Variants in ZNF687 observed in about 807,000 individuals in gnomAD.
ZNF687 encodes the protein zinc finger protein 687.
ZNF687 carries 13 observed loss-of-function variants against 71.8 expected under a neutral mutation model. The observed-to-expected ratio is 0.18, with a 90% CI of 0.12 to 0.29. The LOEUF (loss-of-function observed/expected upper bound fraction) is 0.29, where lower values mean the gene tolerates loss of function less well. Among genes scored for constraint, ZNF687 ranks in the 10% least tolerant of loss-of-function variants. The pLI, the probability that ZNF687 is intolerant of heterozygous loss-of-function variation, is 1.00. For synonymous variants in ZNF687, 673 were observed against 641.6 expected, an observed-to-expected ratio of 1.05 and a Z score of -0.74; for missense variants, 1,412 against 1,625.6, an observed-to-expected ratio of 0.87 and a Z score of 2.26.
intron 1 of ZNF687, chr1:151,286,043 C>T (rs1693931819): frequency 2.8e-6 from 1 of 360,992 alleles, no homozygotes; most frequent in Non-Finnish European, 5.0e-6. Context: ...TCTCTTTTCC[C>T]CTGCTTTCTC....
rs61740560 is a variant in ZNF687 at position 151,290,501 on chromosome 1, C to T, written c.3147C>T (p.His1049=). Residue 1049 remains histidine, a synonymous_variant, in exon 8 of 9, where the codon CAC becomes CAT. Coordinates refer to ENST00000336715, the MANE Select transcript of ZNF687 (RefSeq NM_020832.3). The stretch of plus-strand genomic sequence containing the variant: ...TAGAGAAACATGTCCAGGTCCGGCA[C>T]GGCTTGCAGCTTGGGGCCCAGTCCC... ...LILEKHVQVR[H]GLQLGAQSPG... 6.7e-4 allele frequency: 1,087 copies of T among 1,613,956 alleles called. 10 individuals carry two copies. In the African/African-American group the frequency reaches 9.1e-3, roughly 13 times the overall value.
At chr1:151,284,728 C>T (rs1370196038) in intron 1 of ZNF687, among the ~76,000 whole-genome samples, 1 of 149,970 alleles carries the variant, frequency 6.7e-6, no homozygotes, top group African/African-American at 2.4e-5. Flanking sequence ...GGGATTCTTA[C>T]ATTAGCAATT....
rs774081882 is a variant in ZNF687, at chr1:151,287,516, G to A, written c.1225G>A (p.Ala409Thr). 1.2e-6 allele frequency: 2 copies of A among 1,613,990 alleles called. No homozygotes were observed. The highest frequency in any genetic ancestry group is 1.7e-6 in the Non-Finnish European group (2 of 1,180,014). The change falls in exon 2 of 9, where the codon GCC (alanine) becomes ACC (threonine). Residue 409 changes from alanine (A) to threonine (T), a missense_variant. By Grantham distance (58) the Ala-to-Thr change is moderately conservative. Transcript: ENST00000336715. The surrounding 1 kb of genome is among the most constrained non-coding windows in gnomAD (Gnocchi z 5.0). ...GCTGCCTGTGGCCACCATCCAGAAC[G>A]CCAGTACTGCCATGCTGATGGCAGC... Reference protein sequence around the residue: ...TVLPVATIQNASTAMLMAASV... With the variant: ...TVLPVATIQNTSTAMLMAASV...
Position 151,290,114 on chromosome 1 carries a change from T to C in ZNF687, c.2965-8T>C, listed in dbSNP as rs763345910. On this transcript the variant is annotated splice_polypyrimidine_tract_variant and splice_region_variant and intron_variant, in intron 6 of 8. Transcript: ENST00000336715. ...GCCTGGCTCTGACATCTACCCCTGC[T>C]CTCCTAGTCAGTGAAAAAGTTCCCC... The C allele has an allele frequency of 1.2e-6, 2 of 1,613,896 alleles. No individual in the cohort carries two copies. Among genetic ancestry groups the C allele is most frequent in the Non-Finnish European group, 8.5e-7 (1 of 1,179,942 alleles).
intron 1 of ZNF687, among the ~76,000 whole-genome samples, chr1:151,282,830 C>T (rs1459181767): frequency 6.6e-6 from 1 of 152,086 alleles, no homozygotes; most frequent in African/African-American, 2.4e-5. Flanking sequence ...GCGCCCCCGG[C>T]CCCCTGCGCA....
In ZNF687 at chr1:151,290,802, G is replaced by C. The variant is rs773092269; in HGVS notation, c.3307G>C (p.Gly1103Arg). The change falls in exon 9 of 9, where the codon GGA becomes CGA. Residue 1103 changes from glycine to arginine, a missense_variant. Coordinates refer to ENST00000336715, the MANE Select transcript of ZNF687 (RefSeq NM_020832.3). ...TTPPAKSPRG[G>R]PGSGGHGPLR... Reference sequence around the variant, plus strand: ...ACCGCCAGCCAAGTCCCCCAGGGGCGGACCTGGATCTGGAGGCCATGGCCC... The same window carrying C: ...ACCGCCAGCCAAGTCCCCCAGGGGCCGACCTGGATCTGGAGGCCATGGCCC... 6.2e-7 allele frequency: 1 copy of C among 1,613,862 alleles called. No individual in the cohort carries two copies. The highest frequency in any genetic ancestry group is 8.5e-7 in the Non-Finnish European group (1 of 1,180,006).
rs3748545 is a variant in ZNF687 at position 151,287,067 on chromosome 1, G to A, written c.776G>A (p.Gly259Glu). Residue 259 changes from glycine (G) to glutamate (E), a missense_variant, in exon 2 of 9, where the codon GGG becomes GAG. Physicochemically the swap from Gly to Glu is moderately conservative, Grantham distance 98 (BLOSUM62 -2). This residue lies in a region of ZNF687 where 490 missense variants were observed against 489.9 expected (regional missense o/e 1.00). Transcript: ENST00000336715. The surrounding 1 kb of genome is among the most constrained non-coding windows in gnomAD (Gnocchi z 5.0). ...AGTGCCTCGCCTCCCCCAGTTGCTG[G>A]GGTGCCCTTCTTCAAGCAGTCTCCA... ...PASASPPPVAGVPFFKQSPGH... is the reference protein window; with the variant it reads ...PASASPPPVAEVPFFKQSPGH... The A allele has an allele frequency of 0.11, 184,369 of 1,612,320 alleles. 11,054 individuals carry two copies. Among genetic ancestry groups the A allele is most frequent in the Middle Eastern group, 0.17 (1,015 of 6,058 alleles).
rs901905116 is a variant in ZNF687 at position 151,289,824 on chromosome 1, A to C, written c.2781A>C (p.Glu927Asp). The C allele has an allele frequency of 5.7e-6, 9 of 1,569,118 alleles. No homozygotes were observed. Among genetic ancestry groups the C allele is most frequent in the Non-Finnish European group, 7.8e-6 (9 of 1,156,572 alleles). Reference protein sequence around the residue: ...PATEESSSSSEEEEVPSSPEP... With the variant: ...PATEESSSSSDEEEVPSSPEP... ...CTGAGGAGTCGTCTTCATCTTCAGA[A>C]GAGGAGGAAGTACCCAGCTCCCCTG... The change falls in exon 6 of 9, where the codon GAA (glutamate) becomes GAC (aspartate). Residue 927 changes from glutamate (E) to aspartate (D), a missense_variant. Physicochemically the swap from Glu to Asp is conservative, Grantham distance 45 (BLOSUM62 2). This residue lies in a region of ZNF687 where 135 missense variants were observed against 104.1 expected (regional missense o/e 1.30). Transcript: ENST00000336715.
chr1:151,282,206 G>C (rs1693738763), upstream of ZNF687: 4 of 1,056,634 alleles, frequency 3.8e-6, no homozygotes, highest in Admixed American at 9.2e-5. Flanking sequence ...TGAGCGACGG[G>C]GGCAAGGGCC....
In ZNF687 at chr1:151,286,470, G is replaced by C. The variant is rs771084144; in HGVS notation, c.179G>C (p.Gly60Ala). 5.6e-6 allele frequency: 9 copies of C among 1,613,840 alleles called. No homozygotes were observed. The South Asian group carries it at 9.9e-5, about 18-fold the overall frequency. ...ESEDTAAASA[G>A]DGPGVPAQAS... Reference sequence around the variant, plus strand: ...GAAGACACAGCAGCAGCCTCTGCTGGGGATGGCCCTGGAGTTCCAGCCCAG... The same window carrying C: ...GAAGACACAGCAGCAGCCTCTGCTGCGGATGGCCCTGGAGTTCCAGCCCAG... Residue 60 changes from glycine (G) to alanine (A), a missense_variant, in exon 2 of 9, where the codon GGG becomes GCG. Gly to Ala is a moderately conservative substitution (Grantham distance 60). This residue lies in a region of ZNF687 where 490 missense variants were observed against 489.9 expected (regional missense o/e 1.00). Coordinates refer to ENST00000336715, the MANE Select transcript of ZNF687 (RefSeq NM_020832.3).
rs972385971 is a variant in ZNF687, at chr1:151,286,648, G to A, written c.357G>A (p.Gly119=). ...AAGVTKEGPV[G]PHRMQNGFGS... ...GGGTAACTAAAGAAGGGCCTGTGGG[G>A]CCTCATCGAATGCAGAATGGTTTTG... The change falls in exon 2 of 9, where the codon GGG becomes GGA. Residue 119 remains glycine (G), a synonymous_variant. Coordinates refer to ENST00000336715, the MANE Select transcript of ZNF687 (RefSeq NM_020832.3). 4.3e-6 allele frequency: 7 copies of A among 1,614,220 alleles called. No homozygotes were observed. The highest frequency in any genetic ancestry group is 4.2e-6 in the Non-Finnish European group (5 of 1,180,030).
chr1:151,283,371 C>T (rs587745109), intron 1 of ZNF687: 1 of 946,906 alleles, frequency 1.1e-6, no homozygotes, highest in South Asian at 4.9e-5. Flanking sequence ...CCTGTTCAGC[C>T]TCTTTGGCTT....
Position 151,291,242 on chromosome 1 carries a change from T to C in ZNF687, c.*33T>C. On this transcript the variant is annotated 3_prime_UTR_variant, in exon 9 of 9. Coordinates refer to ENST00000336715, the MANE Select transcript of ZNF687 (RefSeq NM_020832.3). ...GGCCTGGGACTGACCAGCCCCTTCC[T>C]CTTGGAGCCTGGTTTTCCCTACTGC... The C allele has an allele frequency of 1.3e-6, 2 of 1,556,424 alleles. No homozygotes were observed. Among genetic ancestry groups the C allele is most frequent in the Non-Finnish European group, 1.7e-6 (2 of 1,150,106 alleles).
At position 151,286,703 on chromosome 1, in the gene ZNF687, C is replaced by T; in HGVS notation, c.412C>T (p.Pro138Ser). The stretch of plus-strand genomic sequence containing the variant: ...CCCTGAACCTTCCCTCCCAGGAACT[C>T]CCCACTCTCCTGCTCCTCCCAGTGG... Reference protein sequence around the residue: ...GSPEPSLPGTPHSPAPPSGGT... With the variant: ...GSPEPSLPGTSHSPAPPSGGT... The change falls in exon 2 of 9, where the codon CCC becomes TCC. Residue 138 changes from proline (P) to serine (S), a missense_variant. Pro to Ser is a moderately conservative substitution (Grantham distance 74). Coordinates refer to ENST00000336715, the MANE Select transcript of ZNF687 (RefSeq NM_020832.3). 6.2e-7 allele frequency: 1 copy of T among 1,614,176 alleles called. No individual in the cohort carries two copies. The highest frequency in any genetic ancestry group is 1.3e-5 in the African/African-American group (1 of 75,048).
chr1:151,288,457 T>C lies in ZNF687; in HGVS notation c.2115+51T>C, dbSNP rs778479186. 5 of 1,581,678 alleles carry C rather than the reference T, an allele frequency of 3.2e-6. No homozygotes were observed. The Admixed American group carries it at 8.6e-5, about 27-fold the overall frequency. Reference sequence around the variant, plus strand: ...GTGGGGACAGGATCTAGGAAGGCGTTGGGGGCTTGGTTAGAAGTAATGGAG... The same window carrying C: ...GTGGGGACAGGATCTAGGAAGGCGTCGGGGGCTTGGTTAGAAGTAATGGAG... On this transcript the variant is annotated intron_variant, in intron 2 of 8. Coordinates refer to ENST00000336715, the MANE Select transcript of ZNF687 (RefSeq NM_020832.3).
In ZNF687 at chr1:151,285,312, T is replaced by C. The variant is rs11204797; in HGVS notation, c.-17-963T>C. The C allele has an allele frequency of 6.9e-3, 1,057 of 152,316 alleles. 14 individuals are homozygous for C. The highest frequency in any genetic ancestry group is 0.024 in the African/African-American group (986 of 41,554). The allele number at this position is 152,316 out of a possible 1,614,324, so 9.4% of individuals were successfully genotyped here. On this transcript the variant is annotated intron_variant, in intron 1 of 8. Coordinates refer to ENST00000336715, the MANE Select transcript of ZNF687 (RefSeq NM_020832.3). ...TAGAACATCATGTACATCATCCTCC[T>C]TAATAATAGTATTGATTATTTGGTT...
At position 151,286,425 on chromosome 1, in the gene ZNF687, C is replaced by T. The variant is rs748596839; in HGVS notation, c.134C>T (p.Pro45Leu). The change falls in exon 2 of 9, where the codon CCA becomes CTA. Residue 45 changes from proline (P) to leucine (L), a missense_variant. By Grantham distance (98) the Pro-to-Leu change is moderately conservative. Around this residue, in one of 8 missense-constraint regions of ZNF687, gnomAD observed 490 missense variants for 489.9 expected, o/e 1.00. Transcript: ENST00000336715. ...CCTGGAGGCCCAGGGAAGCCAGAAC[C>T]AGGTGTAGGAAGTGAATCTGAAGAC... ...EGPGGPGKPE[P>L]GVGSESEDTA... 3 of 1,613,722 alleles carry T rather than the reference C, an allele frequency of 1.9e-6. No individual in the cohort carries two copies. The highest frequency in any genetic ancestry group is 1.3e-5 in the African/African-American group (1 of 75,020).
chr1:151,283,941 CTT>C, intron 1 of ZNF687: 2 of 985,392 alleles, frequency 2.0e-6, no homozygotes, highest in Non-Finnish European at 2.4e-6. Flanking sequence ...GGGATAGACT[CTT>C]TAGTTGCTTC....
At chr1:151,290,308 TGCGAC>T in intron 7 of ZNF687, 74 bp downstream of exon 7, 8 of 1,607,472 alleles carry the variant, frequency 5.0e-6, no homozygotes, top group Non-Finnish European at 6.8e-6. Flanking sequence ...CCTGTGCACC[TGCGAC>T]GTGTCTAAGT....
Sources: allele counts gnomAD v4.1 joint callset (sites outside exome capture counted in the v4.1 genomes callset), GRCh38; gene constraint gnomAD v4.1.1; regional missense constraint gnomAD v4.1.1; non-coding constraint Gnocchi (gnomAD v3.1); transcripts MANE v1.5; gene names NCBI Gene and HGNC (gene_info 2026-07-23, HGNC 2026-07-21).